Variants in ZFHX3 observed in about 807,000 individuals in gnomAD.
ZFHX3 encodes the protein zinc finger homeobox 3.
ZFHX3 carries 42 observed loss-of-function variants against 279.1 expected under a neutral mutation model. The ratio of observed to expected loss-of-function variants is 0.15; its 90% CI spans 0.12 to 0.19. The LOEUF (loss-of-function observed/expected upper bound fraction) is 0.19, where lower values mean the gene tolerates loss of function less well. Ranked by LOEUF, ZFHX3 falls within the 10% of genes least tolerant of loss-of-function variation. The pLI is 1.00. For synonymous variants in ZFHX3, 2,293 were observed against 1,957.8 expected, an observed-to-expected ratio of 1.17 and a Z score of -4.52; for missense variants, 4,981 against 4,754.0, an observed-to-expected ratio of 1.05 and a Z score of -1.40.
intron 3 of ZFHX3, among the ~76,000 whole-genome samples, chr16:73,405,257 T>A (rs1200859619): frequency 6.6e-6 from 1 of 152,182 alleles, no homozygotes; most frequent in Non-Finnish European, 1.5e-5. Context: ...ATTTTTTAAA[T>A]TTAGGGGCCA....
rs2035244074 is a variant in ZFHX3, at chr16:72,784,123, G to C, written c.*3041C>G. 1 of 152,578 alleles carries C rather than the reference G, an allele frequency of 6.6e-6. No individual in the cohort carries two copies. The highest frequency in any genetic ancestry group is 1.5e-5 in the Non-Finnish European group (1 of 68,060). The allele number at this position is 152,578 out of a possible 1,614,324, so 9.5% of individuals were successfully genotyped here. On this transcript the variant is annotated 3_prime_UTR_variant, in exon 10 of 10. Transcript: ENST00000268489. ...TAACCCCTCTGAGAACACTAGGTGG[G>C]TGGAAGTGTGCTCAGCCAATCTATT...
At chr16:73,130,551 A>G (rs959859779) in intron 7 of ZFHX3, among the ~76,000 whole-genome samples, 2 of 152,330 alleles carry the variant, frequency 1.3e-5, no homozygotes, top group South Asian at 2.1e-4. Context: ...TTAAAACATG[A>G]TGTTCATTAC....
intron 4 of ZFHX3, among the ~76,000 whole-genome samples, chr16:73,285,416 C>A (rs565211116): frequency 1.6e-4 from 25 of 152,164 alleles, no homozygotes; most frequent in Non-Finnish European, 2.6e-4. Context: ...TGAAAAAAAT[C>A]CAAAGGGTGT....
intron 3 of ZFHX3, among the ~76,000 whole-genome samples, chr16:73,436,096 G>A (rs1467618226): frequency 6.6e-6 from 1 of 152,212 alleles, no homozygotes; most frequent in Non-Finnish European, 1.5e-5. Context: ...TTGGGAGGCC[G>A]AGGTGGGCAA....
At chr16:73,686,692 A>G (rs2053088418) in intron 1 of ZFHX3, among the ~76,000 whole-genome samples, 1 of 152,098 alleles carries the variant, frequency 6.6e-6, no homozygotes, top group East Asian at 1.9e-4. Flanking sequence ...TTTCCCCTCA[A>G]CAGACTGAAC....
chr16:73,217,832 C>A (rs1045166575), intron 5 of ZFHX3, among the ~76,000 whole-genome samples: 1 of 151,902 alleles, frequency 6.6e-6, no homozygotes, highest in South Asian at 2.1e-4. Context: ...GGCTCCAAGG[C>A]GGTCCAGACT....
chr16:73,476,610 G>A (rs2018770467), intron 2 of ZFHX3, among the ~76,000 whole-genome samples: 1 of 152,122 alleles, frequency 6.6e-6, no homozygotes, highest in African/African-American at 2.4e-5. Context: ...GCAGCAAGTG[G>A]GAGGAAGCTG....
At chr16:72,867,448 A>G (rs2038049741) in intron 4 of ZFHX3, among the ~76,000 whole-genome samples, 4 of 152,226 alleles carry the variant, frequency 2.6e-5, no homozygotes, top group Admixed American at 1.3e-4. Context: ...TGCAAGACAC[A>G]TGGAACGCCT....
chr16:73,859,908 T>C (rs974975132), intron 1 of ZFHX3, among the ~76,000 whole-genome samples: 5 of 152,198 alleles, frequency 3.3e-5, no homozygotes, highest in Non-Finnish European at 7.3e-5. Context: ...CATCCCACTG[T>C]CTGTCTTTTT....
chr16:73,299,171 A>G (rs769591016), intron 4 of ZFHX3, among the ~76,000 whole-genome samples: 33 of 152,222 alleles, frequency 2.2e-4, no homozygotes, highest in Non-Finnish European at 4.6e-4. Flanking sequence ...TCCTTAGACA[A>G]TCTAGTACAA....
In ZFHX3 at chr16:72,958,085, C is replaced by T. The variant is rs763081762; in HGVS notation, c.2061G>A (p.Glu687=). Residue 687 remains glutamate, a synonymous_variant, in exon 2 of 10, where the codon GAG becomes GAA. Coordinates refer to ENST00000268489, the MANE Select transcript of ZFHX3 (RefSeq NM_006885.4). ...NWHYKYQQTL[E]AHMKEKHPEP... ...CCGGGTGCTTCTCCTTCATGTGTGC[C>T]TCCAGGGTCTGCTGGTACTTATAGT... 43 of 1,614,016 alleles carry T rather than the reference C, an allele frequency of 2.7e-5. No individual in the cohort carries two copies. The South Asian group carries it at 3.5e-4, about 13-fold the overall frequency.
intron 2 of ZFHX3, among the ~76,000 whole-genome samples, chr16:73,589,460 G>A (rs190358282): frequency 2.1e-4 from 31 of 149,524 alleles, no homozygotes; most frequent in Admixed American, 7.3e-4. Flanking sequence ...GGCTGGGCAC[G>A]GTGGCTCACG....
At position 73,656,968 on chromosome 16, in the gene ZFHX3, A is replaced by G. The variant is rs540467094; in HGVS notation, c.-1547+23212T>C. On this transcript the variant is annotated intron_variant, in intron 2 of 17. Coordinates refer to the ZFHX3 transcript ENST00000641206. ...GATAGAATGCCAGTGTGTATAACAT[A>G]TTAGCTAGTGTTAACACAGAAATTC... Among the ~76,000 whole-genome samples the G allele has an allele frequency of 6.6e-5, 10 of 152,368 alleles. No individual in the cohort carries two copies. The East Asian group carries it at 1.9e-3, about 29-fold the overall frequency.
intron 3 of ZFHX3, among the ~76,000 whole-genome samples, chr16:73,447,212 A>T (rs527465460): frequency 6.6e-5 from 10 of 151,796 alleles, no homozygotes; most frequent in African/African-American, 1.7e-4. Flanking sequence ...AAACACAAAA[A>T]CCTCTCTGCT....
At chr16:73,540,837 TCTGAGGACATCA>T (rs1286643390) in intron 2 of ZFHX3, among the ~76,000 whole-genome samples, 1 of 152,174 alleles carries the variant, frequency 6.6e-6, no homozygotes, top group African/African-American at 2.4e-5. Flanking sequence ...GTCAGAGGCC[TCTGAGGACATCA>T]GTGAGGGCTG....
At chr16:73,039,290 A>C (rs1440576299) in intron 1 of ZFHX3, among the ~76,000 whole-genome samples, 2 of 152,104 alleles carry the variant, frequency 1.3e-5, no homozygotes, top group African/African-American at 2.4e-5. Flanking sequence ...CAAAAAGACC[A>C]GTGTAAAATT....
intron 1 of ZFHX3, among the ~76,000 whole-genome samples, chr16:73,796,993 G>A (rs969075718): frequency 6.6e-6 from 1 of 152,070 alleles, no homozygotes; most frequent in Non-Finnish European, 1.5e-5. Context: ...CCAGAGGTCG[G>A]GAGTTCGAGA....
At position 73,185,774 on chromosome 16, in the gene ZFHX3, G is replaced by T. The variant is rs554569780; in HGVS notation, c.-1103-41943C>A. 9.2e-5 allele frequency among the ~76,000 whole-genome samples: 14 copies of T among 152,176 alleles called. No individual in the cohort carries two copies. In the East Asian group the frequency reaches 1.9e-3, roughly 21 times the overall value. On this transcript the variant is annotated intron_variant, in intron 5 of 17. Transcript: ENST00000641206. ...GGACAGGACACGACTTGTACACATG[G>T]GCCCCCTAGATCCCCAGCCACAGGG... is the stretch of plus-strand genomic sequence containing the variant.
intron 4 of ZFHX3, among the ~76,000 whole-genome samples, chr16:73,297,819 T>C (rs1249823438): frequency 1.3e-5 from 2 of 151,938 alleles, no homozygotes; most frequent in East Asian, 1.9e-4. Flanking sequence ...AACCTTATCT[T>C]GTAGAGTTGT....
Sources: gnomAD v4.1 joint callset for allele counts (sites outside exome capture counted in the v4.1 genomes callset) on GRCh38, gnomAD v4.1.1 for gene constraint, MANE v1.5 for transcripts, NCBI Gene and HGNC (gene_info 2026-07-23, HGNC 2026-07-21) for gene names.